Variants in STIM1 observed in about 807,000 individuals in gnomAD.
STIM1 encodes the protein stromal interaction molecule 1.
In STIM1, 25 loss-of-function variants were observed where a neutral mutation model predicts 74.7. The ratio of observed to expected loss-of-function variants is 0.33; its 90% CI spans 0.24 to 0.47. STIM1 has a LOEUF of 0.47. STIM1 is among the 20% of genes least tolerant of loss of function. The pLI is 1.00. For missense variants in STIM1, 728 were observed against 920.8 expected (o/e 0.79, Z 2.71); for synonymous variants, 328 against 348.8 (o/e 0.94, Z 0.66).
intron 1 of STIM1, among the ~76,000 whole-genome samples, chr11:3,860,023 G>T (rs2090537810): frequency 6.6e-6 from 1 of 152,238 alleles, no homozygotes; most frequent in African/African-American, 2.4e-5. Context: ...GGGGATTTAA[G>T]GATGAACAAA....
chr11:3,923,570 C>T (rs6578420), intron 1 of STIM1, among the ~76,000 whole-genome samples: 5,420 of 148,512 alleles, frequency 0.036, 310 homozygotes, highest in African/African-American at 0.12. Context: ...GATCGTGCCA[C>T]TGTACTCCAG....
intron 7 of STIM1, among the ~76,000 whole-genome samples, chr11:4,080,730 T>C (rs2094461196): frequency 6.6e-6 from 1 of 152,238 alleles, no homozygotes; most frequent in African/African-American, 2.4e-5. Context: ...CCTTCCAAAC[T>C]ACTGGGATTA....
Position 3,855,986 on chromosome 11 carries a change from C to A in STIM1, c.-285C>A, listed in dbSNP as rs1015980765. ...GTAATCTGCGGAGCTGACAGCAGCC[C>A]CGCAGCCACCCTGCCCGAAGTCTCC... On this transcript the variant is annotated 5_prime_UTR_variant, in exon 1 of 13. Transcript: ENST00000526596. The A allele has an allele frequency of 1.2e-5, 6 of 493,098 alleles. No homozygotes were observed. The highest frequency in any genetic ancestry group is 9.7e-5 in the African/African-American group (5 of 51,546). The allele number at this position is 493,098 out of a possible 1,614,324, so 30.5% of individuals were successfully genotyped here. A position where few individuals can be genotyped will look rare whatever the true frequency, so the allele number is the denominator to read the frequency against.
chr11:3,941,696 A>AGT lies in STIM1; in HGVS notation c.140-25845_140-25844dup, dbSNP rs61374697. Among the ~76,000 whole-genome samples, 741 of 141,836 alleles carry AGT rather than the reference A, an allele frequency of 5.2e-3. 9 individuals carry two copies. The highest frequency in any genetic ancestry group is 0.016 in the African/African-American group (591 of 37,400). 93.0% of individuals were successfully genotyped at this position (141,836 alleles called of 152,430 possible). The stretch of plus-strand genomic sequence containing the variant: ...TATAGAGAGAGAGAGAGAGAGAGAG[A>AGT]GTGTGTGTGTGTCTCAGTGTCACTG... On this transcript the variant is annotated intron_variant, in intron 1 of 12. Coordinates refer to ENST00000526596, the MANE Select transcript of STIM1 (RefSeq NM_001382567.1).
At chr11:3,966,564 T>C (rs1314361002) in intron 1 of STIM1, among the ~76,000 whole-genome samples, 1 of 152,158 alleles carries the variant, frequency 6.6e-6, no homozygotes. Flanking sequence ...TCTTTGAGGG[T>C]CATCTGAAGA....
intron 1 of STIM1, among the ~76,000 whole-genome samples, chr11:3,927,060 A>G (rs1020120943): frequency 2.0e-5 from 3 of 152,216 alleles, no homozygotes; most frequent in African/African-American, 7.2e-5. Context: ...GTTAATCCAT[A>G]TTAAGTGCTT....
intron 6 of STIM1, among the ~76,000 whole-genome samples, chr11:4,071,946 T>C (rs902862492): frequency 3.3e-5 from 5 of 152,176 alleles, no homozygotes; most frequent in African/African-American, 4.8e-5. Context: ...AGGGGTCTGA[T>C]CTCTAAGCTG....
chr11:3,855,624 CGCCCGCCCCGG>C (rs2090333795), upstream of STIM1: 1 of 145,372 alleles, frequency 6.9e-6, no homozygotes, highest in Non-Finnish European at 1.5e-5. Context: ...CGCACGCCCC[CGCCCGCCCCGG>C]GCCCGCCCCG....
At chr11:3,907,167 A>G (rs890812663) in intron 1 of STIM1, among the ~76,000 whole-genome samples, 1 of 152,206 alleles carries the variant, frequency 6.6e-6, no homozygotes, top group African/African-American at 2.4e-5. Context: ...AAAGGGGTTT[A>G]TAAGCTTGGG....
chr11:3,994,006 T>TG (rs374107717), intron 2 of STIM1, among the ~76,000 whole-genome samples: 11 of 152,166 alleles, frequency 7.2e-5, no homozygotes, highest in South Asian at 2.1e-4. Context: ...AAGTACTATC[T>TG]GGGGGGGTCA....
intron 1 of STIM1, chr11:3,868,088 G>T (rs529052550): frequency 7.9e-5 from 12 of 152,298 alleles, no homozygotes; most frequent in African/African-American, 2.9e-4. Flanking sequence ...TGGCCTTCAG[G>T]TGTAACACAC....
chr11:4,006,829 G>A (rs577798460), intron 2 of STIM1, among the ~76,000 whole-genome samples: 2 of 152,252 alleles, frequency 1.3e-5, no homozygotes, highest in South Asian at 4.1e-4. Flanking sequence ...GGACAATTTG[G>A]TTTGGGAAAT....
At chr11:3,960,986 C>G (rs1283829207) in intron 1 of STIM1, among the ~76,000 whole-genome samples, 1 of 151,728 alleles carries the variant, frequency 6.6e-6, no homozygotes, top group Non-Finnish European at 1.5e-5. Flanking sequence ...GCCTGGCTGT[C>G]ATCACCATGT....
In STIM1 at chr11:4,051,683, G is replaced by A. The variant is rs181797364; in HGVS notation, c.386-3843G>A. 3.0e-3 allele frequency among the ~76,000 whole-genome samples: 457 copies of A among 152,030 alleles called. 2 individuals are homozygous for A. Among genetic ancestry groups the A allele is most frequent in the Non-Finnish European group, 3.7e-3 (251 of 67,990 alleles). On this transcript the variant is annotated intron_variant, in intron 3 of 12. Coordinates refer to ENST00000526596, the MANE Select transcript of STIM1 (RefSeq NM_001382567.1). ...ATCTGTTTTGCAACAGTCTCACTCC[G>A]TCACTCAGGCTAGAGTGCAGTGGCG... is the stretch of plus-strand genomic sequence containing the variant.
intron 1 of STIM1, among the ~76,000 whole-genome samples, chr11:3,916,153 T>G (rs2092639599): frequency 6.6e-6 from 1 of 152,242 alleles, no homozygotes. Flanking sequence ...GGTTTGCTCC[T>G]ATGTTTTACC....
At chr11:3,881,891 C>G (rs1009920081) in intron 1 of STIM1, among the ~76,000 whole-genome samples, 2 of 150,998 alleles carry the variant, frequency 1.3e-5, no homozygotes, top group South Asian at 4.2e-4. Flanking sequence ...AAGCTGGTCT[C>G]GAACTCCTGA....
At chr11:4,027,027 A>G (rs1009463696) in intron 3 of STIM1, among the ~76,000 whole-genome samples, 2 of 152,130 alleles carry the variant, frequency 1.3e-5, no homozygotes, top group African/African-American at 2.4e-5. Context: ...GTTGATTTTT[A>G]TAGTGACCAC....
chr11:3,932,321 G>A (rs1013370320), intron 1 of STIM1, among the ~76,000 whole-genome samples: 3 of 152,210 alleles, frequency 2.0e-5, no homozygotes, highest in Non-Finnish European at 4.4e-5. Flanking sequence ...TGGGTGATTA[G>A]GTCATTAGGA....
intron 1 of STIM1, among the ~76,000 whole-genome samples, chr11:3,874,368 C>T (rs550631102): frequency 6.6e-6 from 1 of 152,322 alleles, no homozygotes; most frequent in South Asian, 2.1e-4. Context: ...TTAAGTCCCA[C>T]CATTTGCCAG....
Sources: allele counts gnomAD v4.1 joint callset (sites outside exome capture counted in the v4.1 genomes callset), GRCh38; gene constraint gnomAD v4.1.1; transcripts MANE v1.5; gene names NCBI Gene and HGNC (gene_info 2026-07-23, HGNC 2026-07-21).